Variants in SGCD observed in about 807,000 individuals in gnomAD.
SGCD encodes the protein delta-sarcoglycan.
SGCD carries 18 observed loss-of-function variants against 36.6 expected under a neutral mutation model. That is an observed-to-expected ratio of 0.49 (90% CI 0.34 to 0.73). The LOEUF (loss-of-function observed/expected upper bound fraction) is 0.73. SGCD is among the 30% of genes least tolerant of loss of function. The probability of loss-of-function intolerance (pLI) is 0.01; values close to 1 mark genes in which losing one functional copy is unlikely to be tolerated. For synonymous variants in SGCD, 133 were observed against 130.6 expected, an observed-to-expected ratio of 1.02 and a Z score of -0.12; for missense variants, 387 against 346.7, an observed-to-expected ratio of 1.12 and a Z score of -0.92.
intron 3 of SGCD, among the ~76,000 whole-genome samples, chr5:156,493,151 A>G (rs1016588311): frequency 2.0e-5 from 3 of 152,178 alleles, no homozygotes; most frequent in Admixed American, 1.3e-4. Flanking sequence ...TGTCTTCCAC[A>G]ATGGTTGAAA....
At chr5:156,644,577 C>T (rs1441048151) in intron 6 of SGCD, among the ~76,000 whole-genome samples, 9 of 150,490 alleles carry the variant, frequency 6.0e-5, no homozygotes, top group Admixed American at 2.7e-4. Flanking sequence ...GAAAATGTTT[C>T]GCAATTTCCT....
chr5:156,423,404 T>A (rs1225537425), intron 3 of SGCD, among the ~76,000 whole-genome samples: 6 of 119,954 alleles, frequency 5.0e-5, no homozygotes, highest in African/African-American at 1.6e-4. Context: ...TATTTTATTA[T>A]AATATAATAT....
chr5:155,853,761 C>G, the SGCD span, among the ~76,000 whole-genome samples: 1 of 152,150 alleles, frequency 6.6e-6, no homozygotes, highest in Non-Finnish European at 1.5e-5. Flanking sequence ...AAAATAATTT[C>G]AAAATGAGTA....
intron 5 of SGCD, among the ~76,000 whole-genome samples, chr5:156,594,613 T>C (rs1023431391): frequency 2.0e-5 from 3 of 152,164 alleles, no homozygotes; most frequent in Admixed American, 6.5e-5. Context: ...TCCACAACTA[T>C]TTGACAGCAA....
At chr5:156,277,192 G>C (rs149235106) in intron 3 of SGCD, among the ~76,000 whole-genome samples, 1 of 152,318 alleles carries the variant, frequency 6.6e-6, no homozygotes, top group African/African-American at 2.4e-5. Flanking sequence ...TGCCAGGCAA[G>C]CCTTACCTGT....
chr5:156,178,289 G>A (rs1029852333), intron 3 of SGCD, among the ~76,000 whole-genome samples: 7 of 152,120 alleles, frequency 4.6e-5, no homozygotes, highest in African/African-American at 7.2e-5. Context: ...CGTAACTAAA[G>A]AGAATGCTGT....
At chr5:155,867,410 A>G (rs1755544190), upstream of SGCD, among the ~76,000 whole-genome samples, 1 of 152,246 alleles carries the variant, frequency 6.6e-6, no homozygotes, top group Admixed American at 6.5e-5. Context: ...GGTATCTCAC[A>G]GAGACTGATG....
At chr5:155,835,159 C>A in the SGCD span, among the ~76,000 whole-genome samples, 1 of 151,820 alleles carries the variant, frequency 6.6e-6, no homozygotes, top group South Asian at 2.1e-4. Flanking sequence ...CAGGCGCCCA[C>A]CACCATGCCT....
At chr5:155,874,351 G>A (rs1755721295) in intron 1 of SGCD, among the ~76,000 whole-genome samples, 1 of 151,932 alleles carries the variant, frequency 6.6e-6, no homozygotes, top group Non-Finnish European at 1.5e-5. Context: ...GAAAAAAATA[G>A]GAGAAATATC....
chr5:156,408,390 C>G (rs1439428470), intron 3 of SGCD, among the ~76,000 whole-genome samples: 2 of 148,088 alleles, frequency 1.4e-5, no homozygotes, highest in African/African-American at 5.0e-5. Flanking sequence ...TGGAGTTTTG[C>G]TCTTGTCACC....
At chr5:156,142,264 C>T (rs1404225799) in intron 3 of SGCD, among the ~76,000 whole-genome samples, 2 of 152,162 alleles carry the variant, frequency 1.3e-5, no homozygotes, top group South Asian at 2.1e-4. Flanking sequence ...ACTTCCTGTA[C>T]GGTCTGCAGA....
the SGCD span, among the ~76,000 whole-genome samples, chr5:155,765,351 A>AGAGG: frequency 3.8e-4 from 52 of 138,100 alleles, no homozygotes; most frequent in African/African-American, 1.1e-3. Context: ...AGGGAAAGAG[A>AGAGG]GAGGGAGGGA....
intron 4 of SGCD, among the ~76,000 whole-genome samples, chr5:156,512,191 CAAAAAA>C (rs759345867): frequency 1.2e-4 from 8 of 66,898 alleles, no homozygotes; most frequent in African/African-American, 4.2e-4. Context: ...GACTCTGTCT[CAAAAAA>C]AAAAAAAAAA....
chr5:156,089,514 T>C (rs1020923735), intron 1 of SGCD, among the ~76,000 whole-genome samples: 3 of 152,214 alleles, frequency 2.0e-5, no homozygotes, highest in African/African-American at 7.2e-5. Flanking sequence ...CAGTAATGCT[T>C]TGGCTACCTC....
intron 3 of SGCD, among the ~76,000 whole-genome samples, chr5:156,453,510 C>T (rs1754117980): frequency 6.6e-6 from 1 of 152,054 alleles, no homozygotes; most frequent in African/African-American, 2.4e-5. Flanking sequence ...CTAAATGTAC[C>T]CCAGTAGGTG....
intron 1 of SGCD, among the ~76,000 whole-genome samples, chr5:156,012,826 A>C (rs1018197196): frequency 6.6e-5 from 10 of 151,716 alleles, no homozygotes; most frequent in Non-Finnish European, 1.5e-4. Context: ...GTTAGCCAGG[A>C]TGGTCTCGAT....
intron 3 of SGCD, among the ~76,000 whole-genome samples, chr5:156,175,752 C>T (rs917390802): frequency 7.9e-5 from 12 of 152,084 alleles, no homozygotes; most frequent in African/African-American, 2.9e-4. Flanking sequence ...GAAAGACATG[C>T]TGTTATTTTG....
At chr5:156,453,258 G>T (rs1754103677) in intron 3 of SGCD, among the ~76,000 whole-genome samples, 1 of 152,130 alleles carries the variant, frequency 6.6e-6, no homozygotes, top group Admixed American at 6.5e-5. Flanking sequence ...GGATTGACTT[G>T]TCCCGCTAGT....
intron 3 of SGCD, among the ~76,000 whole-genome samples, chr5:156,215,979 A>G (rs766098845): frequency 1.3e-5 from 2 of 152,220 alleles, no homozygotes; most frequent in Non-Finnish European, 1.5e-5. Flanking sequence ...TGGTATATAT[A>G]CATAATGGAA....
Sources: allele counts gnomAD v4.1 joint callset (sites outside exome capture counted in the v4.1 genomes callset), GRCh38; gene constraint gnomAD v4.1.1; transcripts MANE v1.5; gene names NCBI Gene and HGNC (gene_info 2026-07-23, HGNC 2026-07-21).